TTC7A: variants seen among roughly 807,000 people sequenced by gnomAD.
TTC7A encodes the protein tetratricopeptide repeat domain 7A.
Under a neutral mutation model 103.7 loss-of-function variants are expected in TTC7A, and 110 were observed. That is an observed-to-expected ratio of 1.06 (90% CI 0.91 to 1.24). The LOEUF (loss-of-function observed/expected upper bound fraction) is 1.24, where lower values mean the gene tolerates loss of function less well. Ranked by LOEUF, TTC7A falls within the 50% of genes most tolerant of loss-of-function variation. TTC7A has a pLI of 0.00. For missense variants in TTC7A, 1,340 were observed against 1,116.3 expected, an observed-to-expected ratio of 1.20 and a Z score of -2.86; for synonymous variants, 521 against 467.9, an observed-to-expected ratio of 1.11 and a Z score of -1.47.
Position 47,073,957 on chromosome 2 carries a change from C to G in TTC7A, c.*34C>G, listed in dbSNP as rs1427095135. 2.5e-6 allele frequency: 4 copies of G among 1,573,818 alleles called. No homozygotes were observed. Among genetic ancestry groups the G allele is most frequent in the South Asian group, 2.3e-5 (2 of 88,812 alleles). On this transcript the variant is annotated 3_prime_UTR_variant, in exon 20 of 20. Transcript: ENST00000319190. ...CAGCCGCAGGGAGGGAGGGGCTGGC[C>G]AGAGGGAGAGGCAGCAGGGAACGTG...
At chr2:46,940,556 C>T (rs10165085), upstream of TTC7A, among the ~76,000 whole-genome samples, 1 of 152,172 alleles carries the variant, frequency 6.6e-6, no homozygotes, top group Non-Finnish European at 1.5e-5. This position sits in a 1 kb window ranked among gnomAD's most constrained non-coding sequence, Gnocchi z 4.7. Context: ...CTTAGACCAG[C>T]ATGAAGAAAT....
intron 15 of TTC7A, among the ~76,000 whole-genome samples, chr2:47,041,472 G>A (rs1051159468): frequency 6.6e-6 from 1 of 152,202 alleles, no homozygotes; most frequent in East Asian, 1.9e-4. Context: ...TGCTTGATAC[G>A]CCAGTCGCGG....
intron 18 of TTC7A, among the ~76,000 whole-genome samples, chr2:47,053,239 G>A (rs574606877): frequency 6.6e-6 from 1 of 152,264 alleles, no homozygotes; most frequent in East Asian, 1.9e-4. Context: ...GAGGGATGTT[G>A]AAAAATCCAG....
chr2:47,020,780 A>G (rs1361079146), intron 11 of TTC7A, among the ~76,000 whole-genome samples: 1 of 152,204 alleles, frequency 6.6e-6, no homozygotes, highest in Non-Finnish European at 1.5e-5. Flanking sequence ...GGGAGAGAGA[A>G]TCCACTGCCC....
At chr2:47,030,794 C>G (rs995611478) in intron 15 of TTC7A, among the ~76,000 whole-genome samples, 1 of 152,188 alleles carries the variant, frequency 6.6e-6, no homozygotes, top group Non-Finnish European at 1.5e-5. Context: ...CTTGACACAG[C>G]CTGTCTTTTA....
At chr2:46,955,471 G>A (rs1671771641) in intron 2 of TTC7A, among the ~76,000 whole-genome samples, 1 of 152,208 alleles carries the variant, frequency 6.6e-6, no homozygotes, top group Admixed American at 6.5e-5. Context: ...AGGCATTGGA[G>A]GAGTTCAGCT....
chr2:46,939,250 G>A (rs1290828079), upstream of TTC7A, among the ~76,000 whole-genome samples: 2 of 151,892 alleles, frequency 1.3e-5, no homozygotes, highest in Non-Finnish European at 2.9e-5. Context: ...TCTAAAACAA[G>A]TCACTAAGGA....
Position 47,060,965 on chromosome 2 carries a change from T to C in TTC7A, c.2349T>C (p.His783=). ...TVNPDGVRIM[H]SLGLMLSRLG... is the part of the protein sequence containing the mutation. ...ACCCAGATGGCGTGCGCATCATGCA[T>C]AGCCTGGTGAGTCAGAGCCCCCCGC... Residue 783 remains histidine (H), a synonymous_variant, in exon 19 of 20, where the codon CAT becomes CAC. Coordinates refer to ENST00000319190, the MANE Select transcript of TTC7A (RefSeq NM_020458.4). 1 of 1,609,004 alleles carries C rather than the reference T, an allele frequency of 6.2e-7. No homozygotes were observed. Among genetic ancestry groups the C allele is most frequent in the Non-Finnish European group, 8.5e-7 (1 of 1,176,946 alleles).
Position 46,978,655 on chromosome 2 carries a change from C to G in TTC7A, c.649-137C>G, listed in dbSNP as rs190590677. ...TATTTTGAGTTAAAGCGAGTTAGAT[C>G]AAGCCTGGTCTGAGAATGCAACAAT... is the stretch of plus-strand genomic sequence containing the variant. On this transcript the variant is annotated intron_variant, in intron 4 of 19. Transcript: ENST00000319190. 5.1e-6 allele frequency: 3 copies of G among 591,918 alleles called. No individual in the cohort carries two copies. In the African/African-American group the frequency reaches 5.6e-5, roughly 11 times the overall value. 36.7% of individuals were successfully genotyped at this position (591,918 alleles called of 1,614,324 possible).
intron 17 of TTC7A, 91 bp from the exon 18 acceptor site, chr2:47,051,655 T>A (rs935235960): frequency 3.4e-6 from 5 of 1,463,830 alleles, no homozygotes; most frequent in Non-Finnish European, 4.6e-6. Flanking sequence ...GGGTGCCCTG[T>A]CTCCCCATGG....
intron 3 of TTC7A, among the ~76,000 whole-genome samples, chr2:46,971,957 A>G (rs1673397728): frequency 7.1e-6 from 1 of 140,046 alleles, no homozygotes; most frequent in African/African-American, 2.6e-5. Context: ...GAAGGGACGG[A>G]GGTAGGGAGG....
chr2:47,004,120 G>T (rs1677129810), intron 8 of TTC7A, among the ~76,000 whole-genome samples: 1 of 152,196 alleles, frequency 6.6e-6, no homozygotes, highest in African/African-American at 2.4e-5. Flanking sequence ...CCAGAGCTCA[G>T]CCTTGCCGGG....
chr2:47,067,529 G>T (rs1038243529), intron 19 of TTC7A, among the ~76,000 whole-genome samples: 21 of 152,206 alleles, frequency 1.4e-4, no homozygotes, highest in African/African-American at 4.8e-4. Context: ...TGCCTTCGAG[G>T]TTCTCCTACG....
chr2:47,024,279 C>T lies in TTC7A; in HGVS notation c.1569-8C>T. 1.9e-6 allele frequency: 3 copies of T among 1,593,022 alleles called. No individual in the cohort carries two copies. Among genetic ancestry groups the T allele is most frequent in the East Asian group, 2.3e-5 (1 of 42,820 alleles). On this transcript the variant is annotated splice_region_variant and splice_polypyrimidine_tract_variant and intron_variant, in intron 13 of 19. Transcript: ENST00000319190. ...GTGCCTGACTTGTCACTCCCTCTCC[C>T]CACACAGGGCTCAGCAGCTGGCGCC...
intron 19 of TTC7A, among the ~76,000 whole-genome samples, chr2:47,070,379 A>T (rs1292762514): frequency 1.3e-5 from 2 of 152,226 alleles, no homozygotes; most frequent in African/African-American, 2.4e-5. Flanking sequence ...CGTGGGCAGC[A>T]TCCCTGATCG....
chr2:46,926,821 A>G (rs1045004699), intron 2 of TTC7A, among the ~76,000 whole-genome samples: 4 of 152,254 alleles, frequency 2.6e-5, no homozygotes, highest in African/African-American at 9.6e-5. Flanking sequence ...AGACACTGGA[A>G]TTCTCAGACA....
intron 11 of TTC7A, among the ~76,000 whole-genome samples, chr2:47,015,208 T>A (rs935051324): frequency 6.6e-6 from 1 of 152,198 alleles, no homozygotes; most frequent in African/African-American, 2.4e-5. Flanking sequence ...CCTGCCAGGG[T>A]CCCTATTTTT....
intron 8 of TTC7A, among the ~76,000 whole-genome samples, chr2:47,005,255 G>A (rs555964679): frequency 5.3e-5 from 8 of 152,230 alleles, no homozygotes; most frequent in East Asian, 1.9e-4. Context: ...TGGGAATGTC[G>A]TTGTCAAAGC....
At chr2:47,042,500 CTT>C (rs1176568188) in intron 15 of TTC7A, among the ~76,000 whole-genome samples, 1 of 88,966 alleles carries the variant, frequency 1.1e-5, no homozygotes, top group Non-Finnish European at 2.0e-5. Flanking sequence ...GACCTTGTCT[CTT>C]TAAAAAAAAA....
Sources: gnomAD v4.1 joint callset for allele counts (sites outside exome capture counted in the v4.1 genomes callset) on GRCh38, gnomAD v4.1.1 for gene constraint, Gnocchi (gnomAD v3.1) non-coding constraint, MANE v1.5 for transcripts, NCBI Gene and HGNC (gene_info 2026-07-23, HGNC 2026-07-21) for gene names.